PLEKHG7: variants seen among roughly 807,000 people sequenced by gnomAD.
PLEKHG7 encodes pleckstrin homology domain-containing family G member 7.
PLEKHG7 carries 77 observed loss-of-function variants against 85.2 expected under a neutral mutation model. The ratio of observed to expected loss-of-function variants is 0.90; its 90% confidence interval spans 0.75 to 1.09. The LOEUF is 1.09. Among genes scored for constraint, PLEKHG7 ranks in the 50% least tolerant of loss-of-function variants. The pLI, the probability that PLEKHG7 is intolerant of heterozygous loss-of-function variation, is 0.00. For synonymous variants in PLEKHG7, 301 were observed against 302.4 expected (o/e 1.00, Z 0.05); for missense variants, 777 against 804.3 (o/e 0.97, Z 0.41).
At chr12:92,767,356 TG>T in intron 15 of PLEKHG7, among the ~76,000 whole-genome samples, 1 of 152,204 alleles carries the variant, frequency 6.6e-6, no homozygotes, top group Non-Finnish European at 1.5e-5. Flanking sequence ...CAAGGATGCC[TG>T]GAATAACCTG....
Position 92,756,205 on chromosome 12 carries a change from C to T in PLEKHG7, c.1543-93C>T, listed in dbSNP as rs1275348615. On this transcript the variant is annotated intron_variant, in intron 12 of 16. Transcript: ENST00000344636. ...TGCTGGCATTTCCAAATGTCATGAACTTTCTAGATGGAGTTAATTGCCCCA... is the reference window on the plus strand; with the variant it reads ...TGCTGGCATTTCCAAATGTCATGAATTTTCTAGATGGAGTTAATTGCCCCA... 1.2e-5 allele frequency: 11 copies of T among 935,578 alleles called. No individual in the cohort carries two copies. In the East Asian group the frequency reaches 2.8e-4, roughly 24 times the overall value. The allele number at this position is 935,578 out of a possible 1,614,324, so 58.0% of individuals were successfully genotyped here. A position where few individuals can be genotyped will look rare whatever the true frequency, so the allele number is the denominator to read the frequency against.
At chr12:92,760,946 C>A (rs1244707265) in intron 13 of PLEKHG7, among the ~76,000 whole-genome samples, 1 of 152,172 alleles carries the variant, frequency 6.6e-6, no homozygotes, top group Non-Finnish European at 1.5e-5. Flanking sequence ...TTATGTCTTA[C>A]AATCTGGAGG....
At chr12:92,748,120 G>T (rs1052353544) in intron 10 of PLEKHG7, among the ~76,000 whole-genome samples, 1 of 152,118 alleles carries the variant, frequency 6.6e-6, no homozygotes, top group African/African-American at 2.4e-5. Context: ...ATTACACATT[G>T]TACACATGTA....
At chr12:92,754,628 AGT>A (rs1193492154) in intron 11 of PLEKHG7, among the ~76,000 whole-genome samples, 1 of 152,198 alleles carries the variant, frequency 6.6e-6, no homozygotes, top group Non-Finnish European at 1.5e-5. Flanking sequence ...CACCATGGAA[AGT>A]GTGTCCAGAG....
At chr12:92,756,472 A>G in intron 13 of PLEKHG7, 81 bp downstream of exon 13, 2 of 1,112,694 alleles carry the variant, frequency 1.8e-6, no homozygotes, top group Non-Finnish European at 2.7e-6. Context: ...GAAGAGCAGG[A>G]GGACTTGTGT....
chr12:92,737,749 G>GGAAGGGAAGGAAGGAAGGAAGGA lies in PLEKHG7; in HGVS notation c.939+228_939+229insGAAGGGAAGGAAGGAAGGAAGGA, dbSNP rs1592680440. Among the ~76,000 whole-genome samples the GGAAGGGAAGGAAGGAAGGAAGGA allele has an allele frequency of 3.0e-4, 38 of 126,028 alleles. 1 individual carries two copies. In the East Asian group the frequency reaches 8.6e-3, roughly 29 times the overall value. The allele number at this position is 126,028 out of a possible 152,430, so 82.7% of individuals were successfully genotyped here. On this transcript the variant is annotated intron_variant, in intron 7 of 16. Coordinates refer to ENST00000344636, the MANE Select transcript of PLEKHG7 (RefSeq NM_001377329.1). The stretch of plus-strand genomic sequence containing the variant: ...GGAAGGAGGGAGGAAGGGAGGGAGG[G>GGAAGGGAAGGAAGGAAGGAAGGA]AGGAAGGAAGGAAGGAAGGAAGGGA...
At chr12:92,757,437 G>A (rs936907984) in intron 13 of PLEKHG7, among the ~76,000 whole-genome samples, 1 of 152,144 alleles carries the variant, frequency 6.6e-6, no homozygotes. Context: ...TATCTGGTGG[G>A]GAGGGGCTGG....
At chr12:92,708,338 T>G (rs1265227541) in intron 3 of PLEKHG7, 1 of 152,446 alleles carries the variant, frequency 6.6e-6, no homozygotes, top group Non-Finnish European at 1.5e-5. Context: ...ATAGCTGCTG[T>G]TTTATTACTG....
intron 10 of PLEKHG7, among the ~76,000 whole-genome samples, chr12:92,750,942 C>CAACA (rs1872675390): frequency 6.7e-6 from 1 of 150,364 alleles, no homozygotes; most frequent in African/African-American, 2.5e-5. Context: ...TACCCTGTCT[C>CAACA]AATAAATAAA....
intron 10 of PLEKHG7, among the ~76,000 whole-genome samples, chr12:92,750,043 A>ATTTTATTT (rs1872650737): frequency 9.8e-6 from 1 of 102,336 alleles, no homozygotes. Context: ...TTATTTTATT[A>ATTTTATTT]TTTTGGAACA....
intron 15 of PLEKHG7, among the ~76,000 whole-genome samples, chr12:92,765,684 C>T (rs1873176004): frequency 6.6e-6 from 1 of 151,792 alleles, no homozygotes; most frequent in Admixed American, 6.6e-5. Context: ...CTCCCAGCTA[C>T]TCAGGAGGCT....
chr12:92,740,271 C>T (rs1565792123), intron 7 of PLEKHG7, among the ~76,000 whole-genome samples: 1 of 151,944 alleles, frequency 6.6e-6, no homozygotes, highest in Non-Finnish European at 1.5e-5. Flanking sequence ...GAGGATTGTA[C>T]TTTTTTTTGA....
chr12:92,755,276 T>C (rs1402760678), intron 11 of PLEKHG7, among the ~76,000 whole-genome samples: 2 of 152,224 alleles, frequency 1.3e-5, no homozygotes, highest in Admixed American at 1.3e-4. Context: ...AACAATGTGA[T>C]TCTTCAGGTC....
chr12:92,738,821 TA>T (rs1224172100), intron 7 of PLEKHG7, among the ~76,000 whole-genome samples: 1 of 152,208 alleles, frequency 6.6e-6, no homozygotes, highest in African/African-American at 2.4e-5. Context: ...TTTCTGTAAG[TA>T]ATATTTTTTG....
chr12:92,751,954 C>G (rs1872702687), intron 10 of PLEKHG7, among the ~76,000 whole-genome samples: 2 of 151,672 alleles, frequency 1.3e-5, no homozygotes, highest in African/African-American at 4.8e-5. Flanking sequence ...GAGGTCAAGG[C>G]TGCAGTGAGC....
chr12:92,749,481 G>A (rs11106692), intron 10 of PLEKHG7: 1 of 152,172 alleles, frequency 6.6e-6, no homozygotes, highest in Admixed American at 6.5e-5. Flanking sequence ...TATGGAGATG[G>A]GGTCTCGCTA....
intron 13 of PLEKHG7, among the ~76,000 whole-genome samples, chr12:92,759,693 G>A (rs948573074): frequency 6.6e-5 from 10 of 152,184 alleles, no homozygotes; most frequent in African/African-American, 2.4e-4. Context: ...GCCCTTATCA[G>A]GAACTGAATC....
chr12:92,766,670 A>G (rs138706273), intron 15 of PLEKHG7, among the ~76,000 whole-genome samples: 1 of 152,088 alleles, frequency 6.6e-6, no homozygotes, highest in Non-Finnish European at 1.5e-5. Context: ...TGGTGAAAAA[A>G]TACAAAAAAA....
At chr12:92,737,650 GAGAA>G (rs1282513801) in intron 7 of PLEKHG7, 129 bp downstream of exon 7, 14 of 825,042 alleles carry the variant, frequency 1.7e-5, no homozygotes, top group East Asian at 3.2e-5. Context: ...GAGAGACAAA[GAGAA>G]AGAAAGGAAG....
Sources: allele counts gnomAD v4.1 joint callset (sites outside exome capture counted in the v4.1 genomes callset), GRCh38; gene constraint gnomAD v4.1.1; transcripts MANE v1.5; gene names NCBI Gene and HGNC (gene_info 2026-07-23, HGNC 2026-07-21).